DMD: variants seen among roughly 807,000 people sequenced by gnomAD.
DMD encodes mutant dystrophin.
Under a neutral mutation model 330.1 loss-of-function variants are expected in DMD, and 63 were observed. The ratio of observed to expected loss-of-function variants is 0.19; its 90% CI spans 0.16 to 0.24. DMD has a LOEUF of 0.24. Among genes scored for constraint, DMD ranks in the 10% least tolerant of loss-of-function variants. The pLI, the probability that DMD is intolerant of heterozygous loss-of-function variation, is 1.00. For synonymous variants in DMD, 1,223 were observed against 959.8 expected, an observed-to-expected ratio of 1.27 and a Z score of -5.07; for missense variants, 3,344 against 2,684.1, an observed-to-expected ratio of 1.25 and a Z score of -5.43.
chrX:32,992,777 G>A (rs2093010855), intron 2 of DMD, among the ~76,000 whole-genome samples: 1 of 108,402 alleles, frequency 9.2e-6, no homozygotes, highest in Admixed American at 1.0e-4. Context: ...ATGGTGGCAG[G>A]TGCCTGTAAT....
At chrX:32,316,202 T>C (rs899142144) in intron 41 of DMD, among the ~76,000 whole-genome samples, 22 of 111,533 alleles carry the variant, frequency 2.0e-4, no homozygotes, top group African/African-American at 7.1e-4. Context: ...CACTTAGAAA[T>C]ATTAAAATTC....
In DMD at chrX:32,406,779, A is replaced by G. The variant is rs2207798; in HGVS notation, c.4233+4973T>C. 0.2 allele frequency among the ~76,000 whole-genome samples: 21,635 copies of G among 110,594 alleles called. 2,217 individuals carry two copies. The highest frequency in any genetic ancestry group is 0.39 in the African/African-American group (11,888 of 30,142). On this transcript the variant is annotated intron_variant, in intron 30 of 78. Coordinates refer to ENST00000357033, the MANE Select transcript of DMD (RefSeq NM_004006.3). ...ATGGTACTGGTACCAAAACAGAGAT[A>G]TAGATCAATGGAACAGAACAAAGCC... is the stretch of plus-strand genomic sequence containing the variant.
chrX:32,892,586 C>T (rs940606602), intron 2 of DMD, among the ~76,000 whole-genome samples: 5 of 110,914 alleles, frequency 4.5e-5, no homozygotes, highest in Non-Finnish European at 5.7e-5. Context: ...GTAGTAGAGA[C>T]GGGGTTTCAC....
chrX:31,975,777 T>C (rs1376162058), intron 44 of DMD, among the ~76,000 whole-genome samples: 4 of 112,366 alleles, frequency 3.6e-5, no homozygotes, highest in Non-Finnish European at 7.5e-5. Flanking sequence ...GCCACATAAA[T>C]ACTTCTTCAA....
Position 32,781,678 on chromosome X carries a change from T to G in DMD, c.649+27815A>C, listed in dbSNP as rs756005358. On this transcript the variant is annotated intron_variant, in intron 7 of 78. Transcript: ENST00000357033. ...AAATTTCTACCCCAGACATACTACA[T>G]TCGTCTTATTCCATCTCTCCATGTA... Among the ~76,000 whole-genome samples, 388 of 110,283 alleles carry G rather than the reference T, an allele frequency of 3.5e-3. 2 individuals are homozygous for G. Among genetic ancestry groups the G allele is most frequent in the African/African-American group, 0.012 (369 of 30,378 alleles).
At position 31,351,181 on chromosome X, in the gene DMD, T is replaced by C. The variant is rs200456771; in HGVS notation, c.9085-2547A>G. ...ATATACACACACACACACACACACATATACATACATACATACATATGTATA... is the reference window on the plus strand; with the variant it reads ...ATATACACACACACACACACACACACATACATACATACATACATATGTATA... On this transcript the variant is annotated intron_variant, in intron 60 of 78. Transcript: ENST00000357033. Among the ~76,000 whole-genome samples, 176 of 84,853 alleles carry C rather than the reference T, an allele frequency of 2.1e-3. 1 individual carries two copies. Among genetic ancestry groups the C allele is most frequent in the African/African-American group, 7.9e-3 (168 of 21,364 alleles). The allele number at this position is 84,853 out of a possible 115,157, so 73.7% of individuals were successfully genotyped here. A position where few individuals can be genotyped will look rare whatever the true frequency, so the allele number is the denominator to read the frequency against.
intron 16 of DMD, among the ~76,000 whole-genome samples, chrX:32,564,692 T>C (rs1047822160): frequency 2.7e-5 from 3 of 111,989 alleles, no homozygotes; most frequent in Non-Finnish European, 5.6e-5. Flanking sequence ...CATTGAACTG[T>C]GATTGAAAAT....
intron 17 of DMD, among the ~76,000 whole-genome samples, chrX:32,518,998 T>C (rs5902035): frequency 7.4e-4 from 3 of 4,076 alleles, no homozygotes; most frequent in African/African-American, 4.5e-3. Flanking sequence ...TTTTCAAACC[T>C]TTTTTTTTTT....
chrX:32,729,053 G>A (rs760956857), intron 7 of DMD, among the ~76,000 whole-genome samples: 1 of 112,079 alleles, frequency 8.9e-6, no homozygotes, highest in African/African-American at 3.2e-5. Flanking sequence ...CAGCAAACGG[G>A]CAACACGTGT....
chrX:32,344,509 T>C (rs746321436), intron 39 of DMD, among the ~76,000 whole-genome samples: 3 of 111,190 alleles, frequency 2.7e-5, no homozygotes, highest in Non-Finnish European at 5.7e-5. Flanking sequence ...ATGTTTTATG[T>C]TGAATTTTCA....
At chrX:32,416,142 T>TA (rs2098165234) in intron 29 of DMD, among the ~76,000 whole-genome samples, 1 of 112,108 alleles carries the variant, frequency 8.9e-6, no homozygotes, top group Non-Finnish European at 1.9e-5. Flanking sequence ...AAAAATGTAT[T>TA]TAACATATGA....
chrX:32,585,699 C>CAAAAAAAAAAAAAAAAAAAAAAAAAAAAA (rs61394183), intron 13 of DMD, among the ~76,000 whole-genome samples: 5 of 31,931 alleles, frequency 1.6e-4, no homozygotes, highest in South Asian at 5.5e-3. Flanking sequence ...GACTCCGTCT[C>CAAAAAAAAAAAAAAAAAAAAAAAAAAAAA]AAAAAAAAAA....
rs58738809 is a variant in DMD at position 31,126,803 on chromosome X, GAAAAAAAAAA to G, written c.11015-140_11015-131del. 9.4e-5 allele frequency: 24 copies of G among 254,604 alleles called. No individual in the cohort carries two copies. The African/African-American group carries it at 1.0e-3, about 11-fold the overall frequency. The allele number at this position is 254,604 out of a possible 1,213,427, so 21.0% of individuals were successfully genotyped here. On this transcript the variant is annotated intron_variant, in intron 77 of 78. Coordinates refer to ENST00000357033, the MANE Select transcript of DMD (RefSeq NM_004006.3). ...TGAGATGACCATTTATTCTCTGCTG[GAAAAAAAAAA>G]AAAAAAAAAAACAGAAACAAAAAAC...
intron 48 of DMD, among the ~76,000 whole-genome samples, chrX:31,853,931 G>A (rs1278840507): frequency 8.9e-6 from 1 of 111,784 alleles, no homozygotes; most frequent in Non-Finnish European, 1.9e-5. Flanking sequence ...CCAGCATCTC[G>A]ATTTGTTTCC....
chrX:31,237,614 T>TTAA (rs1339833058), intron 63 of DMD, among the ~76,000 whole-genome samples: 10 of 112,642 alleles, frequency 8.9e-5, no homozygotes, highest in African/African-American at 3.2e-4. Context: ...TGAGGTGCTT[T>TTAA]TAATAAAGGA....
At chrX:33,110,892 A>T (rs143007940) in intron 1 of DMD, among the ~76,000 whole-genome samples, 3,207 of 111,043 alleles carry the variant, frequency 0.029, 129 homozygotes, top group African/African-American at 0.1. Context: ...CACAAGAGAG[A>T]AATTTGATGT....
chrX:31,266,933 A>G, intron 62 of DMD: 3 of 1,148,207 alleles, frequency 2.6e-6, no homozygotes, highest in Non-Finnish European at 3.5e-6. Flanking sequence ...CCGCCGCCCA[A>G]GCTCACAGCT....
At chrX:31,943,878 T>TGAGAGTGAGA (rs2095041416) in intron 45 of DMD, among the ~76,000 whole-genome samples, 1 of 74,497 alleles carries the variant, frequency 1.3e-5, no homozygotes, top group African/African-American at 4.8e-5. Context: ...CCCCAGAGAG[T>TGAGAGTGAGA]GAGAGAGAGA....
At chrX:32,789,648 T>C (rs1245879495) in intron 7 of DMD, among the ~76,000 whole-genome samples, 2 of 112,166 alleles carry the variant, frequency 1.8e-5, no homozygotes, top group Non-Finnish European at 3.8e-5. Context: ...GGCTGTGTGA[T>C]CTTGATTTTA....
Sources: gnomAD v4.1 joint callset for allele counts (sites outside exome capture counted in the v4.1 genomes callset) on GRCh38, gnomAD v4.1.1 for gene constraint, MANE v1.5 for transcripts, NCBI Gene and HGNC (gene_info 2026-07-23, HGNC 2026-07-21) for gene names.